Variants in SETBP1 observed in about 807,000 individuals in gnomAD.
The protein encoded by SETBP1 is SET-binding protein.
Under a neutral mutation model 101.0 loss-of-function variants are expected in SETBP1, and 9 were observed. That is an observed-to-expected ratio of 0.09 (90% confidence interval 0.05 to 0.16). The LOEUF is 0.16. Among genes scored for constraint, SETBP1 ranks in the 10% least tolerant of loss-of-function variants. The probability of loss-of-function intolerance (pLI) is 1.00; values close to 1 mark genes in which losing one functional copy is unlikely to be tolerated. For missense variants in SETBP1, 1,858 were observed against 2,033.8 expected (o/e 0.91, Z 1.66); for synonymous variants, 818 against 788.5 (o/e 1.04, Z -0.63).
rs571520134 is a variant in SETBP1, at chr18:44,693,011, T to C, written c.-172-8164T>C. ...ACCACTGAGTAGGAGCTTTGTCCTT[T>C]GCTATAGACAGGTGATGTATCTTCA... On this transcript the variant is annotated intron_variant, in intron 1 of 5. Transcript: ENST00000649279. Among the ~76,000 whole-genome samples, 4 of 152,318 alleles carry C rather than the reference T, an allele frequency of 2.6e-5. No individual in the cohort carries two copies. In the South Asian group the frequency reaches 8.3e-4, roughly 32 times the overall value.
intron 2 of SETBP1, among the ~76,000 whole-genome samples, chr18:44,796,508 C>T (rs1178398201): frequency 6.6e-6 from 1 of 152,148 alleles, no homozygotes; most frequent in East Asian, 1.9e-4. Context: ...TGGGGTGGAG[C>T]CCCACAATCT....
At chr18:44,917,556 GTCTT>G (rs1416716524) in intron 3 of SETBP1, among the ~76,000 whole-genome samples, 1 of 152,176 alleles carries the variant, frequency 6.6e-6, no homozygotes, top group Admixed American at 6.5e-5. Context: ...TGAGTGAGTT[GTCTT>G]TCTTTCATCT....
intron 3 of SETBP1, among the ~76,000 whole-genome samples, chr18:44,889,914 G>A (rs2069729731): frequency 6.6e-6 from 1 of 152,002 alleles, no homozygotes; most frequent in African/African-American, 2.4e-5. Flanking sequence ...TTTAATGAAG[G>A]ATTTTTAAAT....
chr18:44,883,957 T>C (rs1218254897), intron 3 of SETBP1, among the ~76,000 whole-genome samples: 1 of 152,348 alleles, frequency 6.6e-6, no homozygotes, highest in East Asian at 1.9e-4. Flanking sequence ...ATTTAGCACT[T>C]CTGCTAAACT....
intron 3 of SETBP1, among the ~76,000 whole-genome samples, chr18:44,894,777 A>G (rs2069853226): frequency 6.6e-6 from 1 of 151,956 alleles, no homozygotes; most frequent in South Asian, 2.1e-4. Flanking sequence ...CCACCAAGAG[A>G]ATTTAAATGG....
At chr18:44,733,449 C>T (rs1242836523) in intron 2 of SETBP1, 7 of 152,206 alleles carry the variant, frequency 4.6e-5, no homozygotes, top group Non-Finnish European at 1.0e-4. Flanking sequence ...AACTGTATCT[C>T]TCCATCTTTG....
At chr18:45,024,238 G>C (rs2073123235) in intron 4 of SETBP1, among the ~76,000 whole-genome samples, 1 of 152,120 alleles carries the variant, frequency 6.6e-6, no homozygotes. Context: ...CATTTGGAAG[G>C]CTGAGAAATG....
intron 3 of SETBP1, among the ~76,000 whole-genome samples, chr18:44,910,952 C>A (rs2070294353): frequency 6.6e-6 from 1 of 152,126 alleles, no homozygotes; most frequent in African/African-American, 2.4e-5. Flanking sequence ...AGGTGAAGGC[C>A]AGGGAAATTG....
chr18:45,045,888 CT>C (rs1330928104), intron 5 of SETBP1, among the ~76,000 whole-genome samples: 1 of 152,034 alleles, frequency 6.6e-6, no homozygotes, highest in Non-Finnish European at 1.5e-5. Context: ...TTCCCTGGAA[CT>C]TTTTTATCTT....
intron 3 of SETBP1, among the ~76,000 whole-genome samples, chr18:44,914,346 T>C (rs1445425705): frequency 6.6e-6 from 1 of 152,224 alleles, no homozygotes; most frequent in Non-Finnish European, 1.5e-5. Flanking sequence ...AATACTCTAC[T>C]GTTAGGCAAC....
chr18:45,028,290 T>A (rs1283719372), intron 4 of SETBP1, among the ~76,000 whole-genome samples: 5 of 151,886 alleles, frequency 3.3e-5, no homozygotes, highest in African/African-American at 1.2e-4. Context: ...GATAGTTTAC[T>A]GAGAATGATG....
chr18:44,788,617 T>C (rs1003641682), intron 2 of SETBP1, among the ~76,000 whole-genome samples: 4 of 152,262 alleles, frequency 2.6e-5, no homozygotes, highest in South Asian at 4.1e-4. Flanking sequence ...ATGGTGTTGT[T>C]TATTCTGTTA....
At chr18:45,011,384 G>A (rs1266594903) in intron 4 of SETBP1, among the ~76,000 whole-genome samples, 2 of 152,194 alleles carry the variant, frequency 1.3e-5, no homozygotes, top group African/African-American at 4.8e-5. Flanking sequence ...CAGGGCTTCA[G>A]AGAGACTAGG....
At chr18:45,035,012 A>G (rs1262446431) in intron 4 of SETBP1, among the ~76,000 whole-genome samples, 1 of 146,114 alleles carries the variant, frequency 6.8e-6, no homozygotes, top group Non-Finnish European at 1.5e-5. Context: ...CCCGCCCCCA[A>G]CTTTGCTTTT....
chr18:45,011,505 G>T (rs2072836918), intron 4 of SETBP1, among the ~76,000 whole-genome samples: 2 of 152,200 alleles, frequency 1.3e-5, no homozygotes, highest in African/African-American at 2.4e-5. Flanking sequence ...TTCATCCACA[G>T]AGTCTCACTA....
chr18:44,701,391 C>T lies in SETBP1; in HGVS notation c.45C>T (p.Gly15=), dbSNP rs764935706. Residue 15 remains glycine (G), a synonymous_variant, in exon 2 of 6, where the codon GGC becomes GGT. Transcript: ENST00000649279. The part of the protein sequence containing the change: ...ETLSSSRQRG[G]ESDFLPVSSA... The stretch of plus-strand genomic sequence containing the variant: ...TAAGCAGCTCCCGGCAAAGAGGGGG[C>T]GAGTCAGACTTCCTGCCGGTCTCCT... 9.0e-5 allele frequency: 139 copies of T among 1,550,704 alleles called. 1 individual carries two copies. Among genetic ancestry groups the T allele is most frequent in the Admixed American group, 3.9e-5 (2 of 51,090 alleles).
intron 2 of SETBP1, among the ~76,000 whole-genome samples, chr18:44,746,680 T>G (rs771113729): frequency 1.1e-4 from 17 of 152,352 alleles, no homozygotes; most frequent in Non-Finnish European, 2.2e-4. Flanking sequence ...ATATTCTGAC[T>G]CTTAACAATC....
chr18:44,885,515 T>C (rs1407291148), intron 3 of SETBP1, among the ~76,000 whole-genome samples: 1 of 152,082 alleles, frequency 6.6e-6, no homozygotes, highest in African/African-American at 2.4e-5. Flanking sequence ...TAATTCAATA[T>C]GTGCTGGATT....
At chr18:44,890,273 G>A (rs1174644896) in intron 3 of SETBP1, among the ~76,000 whole-genome samples, 1 of 152,066 alleles carries the variant, frequency 6.6e-6, no homozygotes, top group Non-Finnish European at 1.5e-5. Context: ...CCCCAAGGAT[G>A]TTTTGTTTTA....
Sources: gnomAD v4.1 joint callset for allele counts (sites outside exome capture counted in the v4.1 genomes callset) on GRCh38, gnomAD v4.1.1 for gene constraint, MANE v1.5 for transcripts, NCBI Gene and HGNC (gene_info 2026-07-23, HGNC 2026-07-21) for gene names.